Variants in ETFBKMT observed in about 807,000 individuals in gnomAD.
ETFBKMT encodes the protein electron transfer flavoprotein beta subunit lysine methyltransferase.
In ETFBKMT, 13 loss-of-function variants were observed where a neutral mutation model predicts 18.3. The ratio of observed to expected loss-of-function variants is 0.71; its 90% CI spans 0.46 to 1.13. The LOEUF is 1.13. ETFBKMT is among the 50% of genes most tolerant of loss of function. ETFBKMT has a pLI of 0.00. For missense variants in ETFBKMT, 293 were observed against 306.2 expected (o/e 0.96, Z 0.32); for synonymous variants, 84 against 107.9 (o/e 0.78, Z 1.37).
At position 31,668,906 on chromosome 12, in the gene ETFBKMT, G is replaced by T. The variant is rs1228728450; in HGVS notation, c.*916G>T. 1 of 152,176 alleles carries T rather than the reference G, an allele frequency of 6.6e-6. No homozygotes were observed. The highest frequency in any genetic ancestry group is 2.4e-5 in the African/African-American group (1 of 41,432). 9.4% of individuals were successfully genotyped at this position (152,176 alleles called of 1,614,324 possible). On this transcript the variant is annotated 3_prime_UTR_variant, in exon 4 of 4. Transcript: ENST00000357721. Reference sequence around the variant, plus strand: ...TATGCTTTTCGCATTAGAGCCCTTTGCATGTTAATCAGTTATTTTAAATTT... The same window carrying T: ...TATGCTTTTCGCATTAGAGCCCTTTTCATGTTAATCAGTTATTTTAAATTT...
intron 1 of ETFBKMT, among the ~76,000 whole-genome samples, chr12:31,648,829 G>A (rs1237170690): frequency 6.6e-6 from 1 of 151,988 alleles, no homozygotes; most frequent in Non-Finnish European, 1.5e-5. Context: ...CCAAAGTGCT[G>A]GGATTACAGG....
chr12:31,654,684 A>G (rs1181471392), upstream of ETFBKMT, among the ~76,000 whole-genome samples: 1 of 152,206 alleles, frequency 6.6e-6, no homozygotes, highest in East Asian at 1.9e-4. Flanking sequence ...TAAACTCTAT[A>G]CAATTGCATG....
chr12:31,657,497 A>G (rs1951072024), upstream of ETFBKMT, among the ~76,000 whole-genome samples: 1 of 152,184 alleles, frequency 6.6e-6, no homozygotes, highest in African/African-American at 2.4e-5. Context: ...AAGCTGCAAT[A>G]TAAAGAATAA....
intron 2 of ETFBKMT, among the ~76,000 whole-genome samples, chr12:31,662,672 A>T (rs1951141727): frequency 6.6e-6 from 1 of 151,618 alleles, no homozygotes; most frequent in Non-Finnish European, 1.5e-5. Flanking sequence ...GTAATTTCCC[A>T]TTCTAACCCA....
upstream of ETFBKMT, among the ~76,000 whole-genome samples, chr12:31,657,410 T>C (rs1317690421): frequency 1.3e-5 from 2 of 152,216 alleles, no homozygotes; most frequent in East Asian, 1.9e-4. Context: ...TCCCTGTTTT[T>C]CATGCTTTGT....
intron 3 of ETFBKMT, among the ~76,000 whole-genome samples, chr12:31,666,463 G>A (rs907533239): frequency 1.3e-5 from 2 of 152,092 alleles, no homozygotes; most frequent in Admixed American, 6.6e-5. Flanking sequence ...TTATGGGCTA[G>A]GAATTTCCTG....
upstream of ETFBKMT, among the ~76,000 whole-genome samples, chr12:31,654,868 T>G (rs978166186): frequency 1.3e-5 from 2 of 151,900 alleles, no homozygotes; most frequent in African/African-American, 4.8e-5. Flanking sequence ...CCAGCCTGGC[T>G]AACATGGTGA....
chr12:31,672,390 A>G lies in ETFBKMT; in HGVS notation c.*4400A>G. ...TCTCGGGAATGATCTATAAAAGAAA[A>G]CAATGACAATATATTAATTGACAAT... On this transcript the variant is annotated 3_prime_UTR_variant, in exon 4 of 4. Transcript: ENST00000357721. The G allele has an allele frequency of 6.5e-7, 1 of 1,536,224 alleles. No homozygotes were observed. The highest frequency in any genetic ancestry group is 1.9e-5 in the Admixed American group (1 of 52,602).
chr12:31,661,807 G>C (rs7959989), intron 1 of ETFBKMT, 34 bp from the exon 2 acceptor site: 686,859 of 730,170 alleles, frequency 0.94, 325,104 homozygotes, highest in Non-Finnish European at 0.98. Context: ...CTCTTCCTCA[G>C]AATTCTCAGT....
upstream of ETFBKMT, among the ~76,000 whole-genome samples, chr12:31,656,575 A>C (rs1025545741): frequency 6.6e-6 from 1 of 152,180 alleles, no homozygotes; most frequent in Non-Finnish European, 1.5e-5. Flanking sequence ...CGAGTGGAGC[A>C]AGAGAAACCA....
In ETFBKMT at chr12:31,667,666, A is replaced by T; in HGVS notation, c.465A>T (p.Thr155=). The T allele has an allele frequency of 1.9e-6, 3 of 1,610,706 alleles. No homozygotes were observed. Among genetic ancestry groups the T allele is most frequent in the Non-Finnish European group, 2.5e-6 (3 of 1,178,718 alleles). The change falls in exon 4 of 4, where the codon ACA becomes ACT. Residue 155 remains threonine, a synonymous_variant. Coordinates refer to ENST00000357721, the MANE Select transcript of ETFBKMT (RefSeq NM_001135863.2). The stretch of plus-strand genomic sequence containing the variant: ...TTTAAGTTGCAGGAATGGCTATTAC[A>T]CTAAATTGTGAATTGAACAGACTGA... ...DIDPIAGMAI[T]LNCELNRLNP... is the part of the protein sequence containing the mutation.
chr12:31,671,189 A>C lies in ETFBKMT; in HGVS notation c.*3199A>C, dbSNP rs1388831848. The C allele has an allele frequency of 6.6e-6, 1 of 152,122 alleles. No individual in the cohort carries two copies. Among genetic ancestry groups the C allele is most frequent in the African/African-American group, 2.4e-5 (1 of 41,436 alleles). The allele number at this position is 152,122 out of a possible 1,614,324, so 9.4% of individuals were successfully genotyped here. ...ATTTTATTGAATTTGTCTTTAGAAAAATTTCATAGTTAGAACAGGCCTTAC... is the reference window on the plus strand; with the variant it reads ...ATTTTATTGAATTTGTCTTTAGAAACATTTCATAGTTAGAACAGGCCTTAC... On this transcript the variant is annotated 3_prime_UTR_variant, in exon 4 of 4. Coordinates refer to ENST00000357721, the MANE Select transcript of ETFBKMT (RefSeq NM_001135863.2).
At position 31,670,304 on chromosome 12, in the gene ETFBKMT, T is replaced by C. The variant is rs1565754254; in HGVS notation, c.*2314T>C. ...TTTGCGTTTCTAATTTGTGAGGCAT[T>C]CTCTCTTTAACCTTAATTCTCTAAT... On this transcript the variant is annotated 3_prime_UTR_variant, in exon 4 of 4. Coordinates refer to ENST00000357721, the MANE Select transcript of ETFBKMT (RefSeq NM_001135863.2). 1 of 152,256 alleles carries C rather than the reference T, an allele frequency of 6.6e-6. No homozygotes were observed. The highest frequency in any genetic ancestry group is 1.5e-5 in the Non-Finnish European group (1 of 68,056). 9.4% of individuals were successfully genotyped at this position (152,256 alleles called of 1,614,324 possible).
chr12:31,662,776 A>G (rs1282458419), intron 2 of ETFBKMT, among the ~76,000 whole-genome samples: 2 of 152,066 alleles, frequency 1.3e-5, no homozygotes, highest in Non-Finnish European at 2.9e-5. Flanking sequence ...TGATCCAGAA[A>G]TCTCACCTGT....
At chr12:31,654,103 G>T (rs1013065274) in intron 1 of ETFBKMT, among the ~76,000 whole-genome samples, 1 of 152,190 alleles carries the variant, frequency 6.6e-6, no homozygotes, top group Non-Finnish European at 1.5e-5. Flanking sequence ...AGGCTGGAGT[G>T]TGGTTGCACG....
At position 31,668,608 on chromosome 12, in the gene ETFBKMT, T is replaced by G. The variant is rs1289696677; in HGVS notation, c.*618T>G. On this transcript the variant is annotated 3_prime_UTR_variant, in exon 4 of 4. Coordinates refer to ENST00000357721, the MANE Select transcript of ETFBKMT (RefSeq NM_001135863.2). Reference sequence around the variant, plus strand: ...CCCCCAATCAAGCGATTGTCCTGTCTCAGCCTCCAGAGTAGCTGGGATTTT... The same window carrying G: ...CCCCCAATCAAGCGATTGTCCTGTCGCAGCCTCCAGAGTAGCTGGGATTTT... 6.6e-6 allele frequency: 1 copy of G among 152,180 alleles called. No individual in the cohort carries two copies. The highest frequency in any genetic ancestry group is 2.4e-5 in the African/African-American group (1 of 41,402). The allele number at this position is 152,180 out of a possible 1,614,324, so 9.4% of individuals were successfully genotyped here.
At position 31,651,471 on chromosome 12, in the gene ETFBKMT, A is replaced by C. The variant is rs1029883661; in HGVS notation, c.-114+4216A>C. ...CAGCCTCCCGAATAGCAGGGATTACAGGTGCGTGCCACCACGCATGGCTAA... is the reference window on the plus strand; with the variant it reads ...CAGCCTCCCGAATAGCAGGGATTACCGGTGCGTGCCACCACGCATGGCTAA... On this transcript the variant is annotated intron_variant, in intron 1 of 3. Coordinates refer to the ETFBKMT transcript ENST00000412352. 3.3e-5 allele frequency among the ~76,000 whole-genome samples: 5 copies of C among 152,040 alleles called. No homozygotes were observed. The East Asian group carries it at 9.6e-4, about 29-fold the overall frequency.
intron 1 of ETFBKMT, among the ~76,000 whole-genome samples, chr12:31,647,542 T>G (rs1010987708): frequency 4.6e-5 from 7 of 152,084 alleles, no homozygotes; most frequent in Non-Finnish European, 1.0e-4. Context: ...TTTTGAAGCT[T>G]AAAGAGGTAA....
At position 31,672,731 on chromosome 12, in the gene ETFBKMT, T is replaced by G. The variant is rs957531111; in HGVS notation, c.*4741T>G. On this transcript the variant is annotated 3_prime_UTR_variant, in exon 4 of 4. Coordinates refer to ENST00000357721, the MANE Select transcript of ETFBKMT (RefSeq NM_001135863.2). ...TTTCAGGATCTTAGCCGGAAATAGA[T>G]GATTCACTAAAGTGGGGTGACTGAA... 5 of 188,972 alleles carry G rather than the reference T, an allele frequency of 2.6e-5. No homozygotes were observed. The highest frequency in any genetic ancestry group is 1.2e-4 in the African/African-American group (5 of 42,098). 11.7% of individuals were successfully genotyped at this position (188,972 alleles called of 1,614,324 possible).
Sources: allele counts gnomAD v4.1 joint callset (sites outside exome capture counted in the v4.1 genomes callset), GRCh38; gene constraint gnomAD v4.1.1; transcripts MANE v1.5; gene names NCBI Gene and HGNC (gene_info 2026-07-23, HGNC 2026-07-21).